RICTOR: variants seen among roughly 807,000 people sequenced by gnomAD.
The protein encoded by RICTOR is rapamycin-insensitive companion of mTOR.
A neutral mutation model predicts 214.9 loss-of-function variants in RICTOR; 49 were observed. That is an observed-to-expected ratio of 0.23 (90% CI 0.18 to 0.29). The LOEUF (loss-of-function observed/expected upper bound fraction) is 0.29. Ranked by LOEUF, RICTOR falls within the 10% of genes least tolerant of loss-of-function variation. The probability of loss-of-function intolerance (pLI) is 1.00; values close to 1 mark genes in which losing one functional copy is unlikely to be tolerated. For synonymous variants in RICTOR, 717 were observed against 711.3 expected (o/e 1.01, Z -0.13); for missense variants, 1,625 against 2,047.0 (o/e 0.79, Z 3.98).
intron 10 of RICTOR, among the ~76,000 whole-genome samples, chr5:38,973,517 T>C (rs551052186): frequency 3.9e-5 from 6 of 152,326 alleles, no homozygotes; most frequent in African/African-American, 1.4e-4. Context: ...TTTCTGTATG[T>C]TTCAAATTTT....
chr5:39,052,551 T>A (rs1048920152), intron 2 of RICTOR, among the ~76,000 whole-genome samples: 25 of 152,200 alleles, frequency 1.6e-4, no homozygotes, highest in African/African-American at 6.0e-4. Context: ...AAAGGTAAAC[T>A]GTAGTTGATC....
At position 38,938,443 on chromosome 5, in the gene RICTOR, C is replaced by A. The variant is rs549579292; in HGVS notation, c.*3861G>T. Reference sequence around the variant, plus strand: ...CAAGACTTTGCATTTTGTGCTAAATCAACCAAGTAGCAAAATTGAAAGGTA... The same window carrying A: ...CAAGACTTTGCATTTTGTGCTAAATAAACCAAGTAGCAAAATTGAAAGGTA... On this transcript the variant is annotated 3_prime_UTR_variant, in exon 38 of 38. Coordinates refer to ENST00000357387, the MANE Select transcript of RICTOR (RefSeq NM_152756.5). The A allele has an allele frequency of 2.1e-4, 49 of 231,646 alleles. No homozygotes were observed. Among genetic ancestry groups the A allele is most frequent in the African/African-American group, 1.1e-3 (48 of 45,326 alleles). The allele number at this position is 231,646 out of a possible 1,614,324, so 14.3% of individuals were successfully genotyped here.
chr5:39,068,895 A>G lies in RICTOR; in HGVS notation c.97+5216T>C, dbSNP rs577154686. On this transcript the variant is annotated intron_variant, in intron 2 of 37. Transcript: ENST00000357387. ...AAGTTTTACACATCACAACTCTGAG[A>G]TGATTATCAGACACATACCAGTCAC... Among the ~76,000 whole-genome samples, 3 of 152,338 alleles carry G rather than the reference A, an allele frequency of 2.0e-5. No homozygotes were observed. In the South Asian group the frequency reaches 6.2e-4, roughly 32 times the overall value.
intron 5 of RICTOR, among the ~76,000 whole-genome samples, chr5:39,000,292 A>G (rs1189878271): frequency 6.6e-6 from 1 of 151,986 alleles, no homozygotes; most frequent in Non-Finnish European, 1.5e-5. Flanking sequence ...AAACAAGGCC[A>G]TATTTCCCTA....
chr5:39,022,841 T>C (rs1755530551), intron 2 of RICTOR, among the ~76,000 whole-genome samples: 1 of 152,160 alleles, frequency 6.6e-6, no homozygotes, highest in African/African-American at 2.4e-5. Context: ...GTCTAGCAAT[T>C]TGGAGCTTCA....
chr5:39,071,826 A>C (rs1759345967), intron 2 of RICTOR, among the ~76,000 whole-genome samples: 1 of 152,232 alleles, frequency 6.6e-6, no homozygotes, highest in South Asian at 2.1e-4. Context: ...GAATAAAAGC[A>C]AACACTGCCT....
At chr5:38,976,542 G>T (rs1194707308) in intron 9 of RICTOR, among the ~76,000 whole-genome samples, 1 of 152,064 alleles carries the variant, frequency 6.6e-6, no homozygotes, top group East Asian at 1.9e-4. Context: ...GAAAATGGGG[G>T]CGGGGGTGGC....
intron 2 of RICTOR, among the ~76,000 whole-genome samples, chr5:39,040,111 T>C (rs1465770015): frequency 1.3e-5 from 2 of 151,970 alleles, no homozygotes; most frequent in African/African-American, 2.4e-5. Flanking sequence ...ATGTGGCACA[T>C]ATATACCATG....
intron 6 of RICTOR, among the ~76,000 whole-genome samples, chr5:38,994,143 T>C (rs545007697): frequency 3.0e-4 from 46 of 151,978 alleles, no homozygotes; most frequent in Non-Finnish European, 4.0e-4. Context: ...TGAGCCGAGA[T>C]TGCACCACTG....
At chr5:38,968,275 C>A (rs899332738) in intron 11 of RICTOR, among the ~76,000 whole-genome samples, 4 of 151,950 alleles carry the variant, frequency 2.6e-5, no homozygotes, top group African/African-American at 9.7e-5. Flanking sequence ...TGTCACAGGG[C>A]AATATTACTG....
intron 3 of RICTOR, among the ~76,000 whole-genome samples, chr5:39,017,608 A>G (rs1424652131): frequency 6.6e-6 from 1 of 152,118 alleles, no homozygotes; most frequent in East Asian, 1.9e-4. Context: ...ATATTAAAAA[A>G]CAGCCAGAGT....
intron 9 of RICTOR, among the ~76,000 whole-genome samples, chr5:38,976,656 T>C (rs943050887): frequency 3.9e-5 from 6 of 152,202 alleles, no homozygotes; most frequent in Non-Finnish European, 8.8e-5. Flanking sequence ...ATCTCTAACC[T>C]ATTAAACTTG....
intron 8 of RICTOR, among the ~76,000 whole-genome samples, chr5:38,979,041 TA>T (rs1472594620): frequency 5.3e-5 from 8 of 152,338 alleles, no homozygotes; most frequent in African/African-American, 1.9e-4. Context: ...AAAATTTAAA[TA>T]GTTCTATTAA....
intron 9 of RICTOR, among the ~76,000 whole-genome samples, chr5:38,977,592 C>CT (rs34467191): frequency 0.4 from 33,026 of 83,432 alleles, 6,185 homozygotes; most frequent in East Asian, 0.45. Flanking sequence ...TATGAAACCA[C>CT]TTTTTTTTTT....
At chr5:38,963,167 T>C in intron 16 of RICTOR, 126 bp from the exon 17 acceptor site, 1 of 620,054 alleles carries the variant, frequency 1.6e-6, no homozygotes, top group Non-Finnish European at 2.6e-6. Flanking sequence ...AGTAAATTAT[T>C]TCATCAAATT....
intron 31 of RICTOR, among the ~76,000 whole-genome samples, chr5:38,947,988 C>G (rs1748385103): frequency 6.6e-6 from 1 of 152,060 alleles, no homozygotes; most frequent in African/African-American, 2.4e-5. Flanking sequence ...ACGAGATATC[C>G]TTGTAAAAAG....
chr5:39,061,404 G>A (rs1376274128), intron 2 of RICTOR, among the ~76,000 whole-genome samples: 1 of 152,118 alleles, frequency 6.6e-6, no homozygotes, highest in Non-Finnish European at 1.5e-5. Flanking sequence ...TGGAAGGTCT[G>A]AGTGATGGTG....
At chr5:38,965,100 CACAT>C (rs758244842) in intron 15 of RICTOR, among the ~76,000 whole-genome samples, 35 of 151,954 alleles carry the variant, frequency 2.3e-4, no homozygotes, top group Non-Finnish European at 4.4e-4. Context: ...TAAAGATACA[CACAT>C]ATTAACATAA....
At chr5:39,033,860 T>C (rs535152228) in intron 2 of RICTOR, among the ~76,000 whole-genome samples, 2 of 152,328 alleles carry the variant, frequency 1.3e-5, no homozygotes, top group Non-Finnish European at 2.9e-5. Context: ...AATAACTATA[T>C]GTTTTTAACA....
Sources: gnomAD v4.1 joint callset for allele counts (sites outside exome capture counted in the v4.1 genomes callset) on GRCh38, gnomAD v4.1.1 for gene constraint, MANE v1.5 for transcripts, NCBI Gene and HGNC (gene_info 2026-07-23, HGNC 2026-07-21) for gene names.